Variants in IARS2 observed in about 807,000 individuals in gnomAD.
IARS2 encodes isoleucyl-tRNA synthetase 2, mitochondrial.
In IARS2, 56 loss-of-function variants were observed where a neutral mutation model predicts 126.3. The observed-to-expected ratio is 0.44, with a 90% CI of 0.36 to 0.55. IARS2 has a LOEUF of 0.55. Among genes scored for constraint, IARS2 ranks in the 20% least tolerant of loss-of-function variants. The pLI, the probability that IARS2 is intolerant of heterozygous loss-of-function variation, is 0.00. For synonymous variants in IARS2, 407 were observed against 441.1 expected (o/e 0.92, Z 0.97); for missense variants, 1,127 against 1,245.9 (o/e 0.90, Z 1.44).
chr1:220,142,880 G>T (rs1657517306), intron 20 of IARS2, 64 bp from the exon 21 acceptor site: 1 of 1,150,046 alleles, frequency 8.7e-7, no homozygotes, highest in Non-Finnish European at 1.2e-6. Flanking sequence ...CTATTTAATG[G>T]TTAGAGCTTC....
chr1:220,145,070 C>A (rs1210232063), intron 21 of IARS2, among the ~76,000 whole-genome samples: 3 of 151,500 alleles, frequency 2.0e-5, no homozygotes, highest in Non-Finnish European at 2.9e-5. Context: ...TAGCCCCTCA[C>A]CCAATGATAC....
rs1295269128 is a variant in IARS2 at position 220,147,546 on chromosome 1, A to G, written c.2950A>G (p.Lys984Glu). ...TAAAGTAATTGTCATGCCGACTACGAAAGAAAAATGCCCCCGTTGTTGGAA... is the reference window on the plus strand; with the variant it reads ...TAAAGTAATTGTCATGCCGACTACGGAAGAAAAATGCCCCCGTTGTTGGAA... ...SYKVIVMPTT[K>E]EKCPRCWKYT... The change falls in exon 23 of 23, where the codon AAA becomes GAA. Residue 984 changes from lysine to glutamate, a missense_variant. Coordinates refer to ENST00000366922, the MANE Select transcript of IARS2 (RefSeq NM_018060.4). The G allele has an allele frequency of 6.2e-7, 1 of 1,614,180 alleles. No individual in the cohort carries two copies. Among genetic ancestry groups the G allele is most frequent in the Non-Finnish European group, 8.5e-7 (1 of 1,180,004 alleles).
chr1:220,139,003 A>C lies in IARS2; in HGVS notation c.2176-5A>C. 6.2e-7 allele frequency: 1 copy of C among 1,605,046 alleles called. No individual in the cohort carries two copies. Among genetic ancestry groups the C allele is most frequent in the Non-Finnish European group, 8.5e-7 (1 of 1,177,414 alleles). On this transcript the variant is annotated splice_region_variant and splice_polypyrimidine_tract_variant and intron_variant, in intron 17 of 22. Coordinates refer to ENST00000366922, the MANE Select transcript of IARS2 (RefSeq NM_018060.4). Reference sequence around the variant, plus strand: ...TAACTGCATATTTTTTCTTCCTATGAATAGCTTAGGAATACACTTCGCTTT... The same window carrying C: ...TAACTGCATATTTTTTCTTCCTATGCATAGCTTAGGAATACACTTCGCTTT...
At chr1:220,117,402 G>A (rs1424799701) in intron 12 of IARS2, among the ~76,000 whole-genome samples, 1 of 151,644 alleles carries the variant, frequency 6.6e-6, no homozygotes, top group East Asian at 1.9e-4. Flanking sequence ...GTTTCTCCAT[G>A]TTGGTCAGGC....
rs770248468 is a variant in IARS2, at chr1:220,110,772, T to C, written c.1328-14T>C. 1.3e-6 allele frequency: 2 copies of C among 1,541,832 alleles called. No homozygotes were observed. The highest frequency in any genetic ancestry group is 2.4e-5 in the South Asian group (2 of 83,546). ...TTTTTAATTATGTCTAATTTGGTGT[T>C]TTTTTTTTTAAAGTTATAAAGATGC... On this transcript the variant is annotated splice_polypyrimidine_tract_variant and intron_variant, in intron 10 of 22. Transcript: ENST00000366922.
At chr1:220,128,889 T>A (rs976454811) in intron 14 of IARS2, among the ~76,000 whole-genome samples, 1 of 151,086 alleles carries the variant, frequency 6.6e-6, no homozygotes, top group Non-Finnish European at 1.5e-5. Flanking sequence ...TTAGTCATAA[T>A]ATTTCTAGAG....
chr1:220,100,625 T>G lies in IARS2; in HGVS notation c.526T>G (p.Ser176Ala), dbSNP rs1370909726. The G allele has an allele frequency of 6.2e-7, 1 of 1,610,030 alleles. No individual in the cohort carries two copies. The highest frequency in any genetic ancestry group is 8.5e-7 in the Non-Finnish European group (1 of 1,177,446). Residue 176 changes from serine (S) to alanine (A), a missense_variant, in exon 3 of 23, where the codon TCA becomes GCA. Physicochemically the swap from Ser to Ala is moderately conservative, Grantham distance 99. Transcript: ENST00000366922. ...ACTTGGTAGAGAAGCTCAGAATCTTTCAGCTATGGAAATTAGAAAGAAAGG... is the reference window on the plus strand; with the variant it reads ...ACTTGGTAGAGAAGCTCAGAATCTTGCAGCTATGGAAATTAGAAAGAAAGG... ...SELGREAQNL[S>A]AMEIRKKARS...
chr1:220,146,383 C>T (rs1028740638), intron 22 of IARS2, among the ~76,000 whole-genome samples: 22 of 151,856 alleles, frequency 1.4e-4, no homozygotes, highest in Middle Eastern at 6.3e-3. Context: ...CCAGGCGTGG[C>T]GGCGTGTGCC....
intron 14 of IARS2, among the ~76,000 whole-genome samples, chr1:220,133,016 CTT>C (rs5781166): frequency 1.4e-5 from 2 of 143,536 alleles, no homozygotes; most frequent in Non-Finnish European, 3.1e-5. Flanking sequence ...TATTTCTTTT[CTT>C]TTTTTTTTTT....
At chr1:220,143,223 A>G in intron 21 of IARS2, 89 bp downstream of exon 21, 1 of 835,976 alleles carries the variant, frequency 1.2e-6, no homozygotes, top group South Asian at 2.4e-5. Context: ...AAATTAATCA[A>G]ATAACATTGG....
At chr1:220,100,347 G>A (rs1656545513) in intron 2 of IARS2, 143 bp from the exon 3 acceptor site, 3 of 636,850 alleles carry the variant, frequency 4.7e-6, no homozygotes, top group South Asian at 2.6e-5. Context: ...TTTAAAAATG[G>A]TATTAAGTTT....
At chr1:220,139,757 A>T (rs930413309) in intron 18 of IARS2, among the ~76,000 whole-genome samples, 6 of 152,138 alleles carry the variant, frequency 3.9e-5, no homozygotes, top group African/African-American at 1.4e-4. Context: ...TCTTAAAAAA[A>T]AAAAATTGTG....
intron 13 of IARS2, among the ~76,000 whole-genome samples, chr1:220,126,284 A>G (rs946168475): frequency 1.3e-5 from 2 of 152,024 alleles, no homozygotes; most frequent in Non-Finnish European, 2.9e-5. Context: ...CAAAAACAAA[A>G]CAAATCAAAA....
intron 2 of IARS2, among the ~76,000 whole-genome samples, chr1:220,098,070 G>A (rs900726427): frequency 6.6e-6 from 1 of 151,908 alleles, no homozygotes; most frequent in Non-Finnish European, 1.5e-5. Flanking sequence ...TTATTTTTTA[G>A]TAGAGACGTG....
chr1:220,141,998 G>A (rs780326046), intron 20 of IARS2, 50 bp downstream of exon 20: 13 of 1,555,870 alleles, frequency 8.4e-6, no homozygotes, highest in Admixed American at 6.9e-5. Context: ...CCTGATCAAG[G>A]TGCAACTTCT....
chr1:220,143,887 G>C, intron 21 of IARS2: 1 of 731,264 alleles, frequency 1.4e-6, no homozygotes, highest in South Asian at 1.7e-5. Context: ...AAATGCTTAA[G>C]AAGAGAATTG....
chr1:220,134,156 A>G (rs1014528828), intron 14 of IARS2, among the ~76,000 whole-genome samples: 1 of 152,162 alleles, frequency 6.6e-6, no homozygotes, highest in Non-Finnish European at 1.5e-5. Context: ...TAGGAATATC[A>G]CAGAAAGGAT....
At chr1:220,102,067 A>C in intron 3 of IARS2, 62 bp from the exon 4 acceptor site, 2 of 1,470,198 alleles carry the variant, frequency 1.4e-6, no homozygotes, top group East Asian at 2.3e-5. Context: ...ATACATGCTA[A>C]ACCATGTTTA....
intron 18 of IARS2, 140 bp downstream of exon 18, chr1:220,139,279 C>A (rs773636459): frequency 1.2e-4 from 64 of 530,146 alleles, no homozygotes; most frequent in Non-Finnish European, 1.8e-4. Context: ...GTCCAGACTT[C>A]CCCTCGGACC....
Sources: allele counts gnomAD v4.1 joint callset (sites outside exome capture counted in the v4.1 genomes callset), GRCh38; gene constraint gnomAD v4.1.1; transcripts MANE v1.5; gene names NCBI Gene and HGNC (gene_info 2026-07-23, HGNC 2026-07-21).